The following TENT5D variants were observed in gnomAD, a reference collection of about 807,000 sequenced individuals.
TENT5D encodes cancer/testis antigen 112.
For missense variants in TENT5D, 191 were observed against 287.0 expected (o/e 0.67, Z 2.42); for synonymous variants, 103 against 100.6 (o/e 1.02, Z -0.15).
At chrX:80,363,593 C>T (rs930261100) in intron 3 of TENT5D, among the ~76,000 whole-genome samples, 1 of 111,772 alleles carries the variant, frequency 8.9e-6, no homozygotes, top group East Asian at 2.8e-4. Flanking sequence ...TGCAATGTGC[C>T]GTAAAGTTCG....
intron 3 of TENT5D, among the ~76,000 whole-genome samples, chrX:80,369,616 A>C (rs1602506475): frequency 8.9e-6 from 1 of 112,516 alleles, no homozygotes; most frequent in Middle Eastern, 4.6e-3. Flanking sequence ...TGACCCTTTA[A>C]CAACATGGTT....
chrX:80,391,552 T>A (rs1931127748), intron 3 of TENT5D, among the ~76,000 whole-genome samples: 1 of 112,058 alleles, frequency 8.9e-6, no homozygotes, highest in Non-Finnish European at 1.9e-5. Context: ...CATCTTGCTA[T>A]GAAAAGCCTT....
intron 3 of TENT5D, among the ~76,000 whole-genome samples, chrX:80,397,774 C>T (rs763486929): frequency 9.8e-4 from 110 of 112,653 alleles, no homozygotes; most frequent in African/African-American, 3.4e-3. Context: ...CAAAAAAATA[C>T]GAAAACAAGT....
At chrX:80,432,658 A>G (rs1453626273) in intron 1 of TENT5D, among the ~76,000 whole-genome samples, 1 of 111,691 alleles carries the variant, frequency 9.0e-6, no homozygotes, top group African/African-American at 3.3e-5. Context: ...CAGTGCACCA[A>G]AATATGTAGC....
chrX:80,339,631 C>T lies in TENT5D; in HGVS notation c.-206-2869C>T, dbSNP rs758445692. On this transcript the variant is annotated intron_variant, in intron 2 of 4. Coordinates refer to the TENT5D transcript ENST00000538312. The stretch of plus-strand genomic sequence containing the variant: ...GGTTTTAGTGGTGGTCACAGGTGAC[C>T]TGAAAAACTATCCAATTCATAATTT... Among the ~76,000 whole-genome samples the T allele has an allele frequency of 9.1e-5, 10 of 109,516 alleles. No individual in the cohort carries two copies. In the East Asian group the frequency reaches 2.6e-3, roughly 28 times the overall value.
At chrX:80,346,957 C>T (rs1045698585) in intron 3 of TENT5D, among the ~76,000 whole-genome samples, 1 of 110,752 alleles carries the variant, frequency 9.0e-6, no homozygotes, top group Non-Finnish European at 1.9e-5. Flanking sequence ...TGTTAGTTTG[C>T]GAGGATGATG....
chrX:80,405,677 A>G (rs1172233422), intron 3 of TENT5D, among the ~76,000 whole-genome samples: 1 of 110,428 alleles, frequency 9.1e-6, no homozygotes. Context: ...AGGCTGGAGG[A>G]GGGGCGCCCA....
intron 3 of TENT5D, among the ~76,000 whole-genome samples, chrX:80,375,742 A>G (rs1930711896): frequency 9.0e-6 from 1 of 111,730 alleles, no homozygotes; most frequent in Non-Finnish European, 1.9e-5. Flanking sequence ...TAATTATTTC[A>G]TAGTATTTCT....
chrX:80,401,476 T>G (rs1347372676), intron 3 of TENT5D, among the ~76,000 whole-genome samples: 2 of 111,850 alleles, frequency 1.8e-5, no homozygotes, highest in Non-Finnish European at 3.8e-5. Context: ...GTAGGTTTCC[T>G]TATCTCGTTC....
At chrX:80,410,736 A>G (rs1188259698) in intron 3 of TENT5D, among the ~76,000 whole-genome samples, 6 of 108,779 alleles carry the variant, frequency 5.5e-5, no homozygotes, top group Non-Finnish European at 1.1e-4. Context: ...CAGCCATCCC[A>G]TTACTGGGTA....
At position 80,373,295 on chromosome X, in the gene TENT5D, T is replaced by C. The variant is rs187237352; in HGVS notation, c.-142+30731T>C. Among the ~76,000 whole-genome samples, 5 of 111,759 alleles carry C rather than the reference T, an allele frequency of 4.5e-5. No individual in the cohort carries two copies. The Admixed American group carries it at 4.8e-4, about 11-fold the overall frequency. ...ACTTTATAGTTTAGGGATTTTGATT[T>C]CTCAGAATTTCAATATTTGGGATCT... On this transcript the variant is annotated intron_variant, in intron 3 of 4. Transcript: ENST00000538312.
Position 80,422,661 on chromosome X carries a change from C to T in TENT5D, c.-142+2098C>T, listed in dbSNP as rs187849706. 4.7e-3 allele frequency among the ~76,000 whole-genome samples: 518 copies of T among 110,433 alleles called. 6 individuals carry two copies. The highest frequency in any genetic ancestry group is 0.016 in the African/African-American group (488 of 30,323). On this transcript the variant is annotated intron_variant, in intron 1 of 2. Coordinates refer to ENST00000308293, the Ensembl canonical transcript of TENT5D. Reference sequence around the variant, plus strand: ...TGTCTGAGAGGGTGCGGTGAGTAGACGGGGAGAGCTATGAACAGAAGTTTT... The same window carrying T: ...TGTCTGAGAGGGTGCGGTGAGTAGATGGGGAGAGCTATGAACAGAAGTTTT...
intron 3 of TENT5D, among the ~76,000 whole-genome samples, chrX:80,370,982 C>A (rs774742273): frequency 1.8e-5 from 2 of 112,220 alleles, no homozygotes; most frequent in East Asian, 5.6e-4. Flanking sequence ...TTCACTTGCT[C>A]ATGTAAAATT....
intron 3 of TENT5D, among the ~76,000 whole-genome samples, chrX:80,360,912 AGCT>A (rs1930395724): frequency 8.9e-6 from 1 of 112,111 alleles, no homozygotes; most frequent in African/African-American, 3.2e-5. Flanking sequence ...TGGACATGGT[AGCT>A]CTTAAAGATC....
In TENT5D at chrX:80,415,080, T is replaced by C. The variant is rs779246344; in HGVS notation, c.-141-23530T>C. 3.6e-5 allele frequency among the ~76,000 whole-genome samples: 4 copies of C among 111,921 alleles called. No homozygotes were observed. In the East Asian group the frequency reaches 1.1e-3, roughly 31 times the overall value. ...TTTGAATGGTATTGCATTCTTCATTTGGCTCTCAGCTTGGATGTTGTTGGT... is the reference window on the plus strand; with the variant it reads ...TTTGAATGGTATTGCATTCTTCATTCGGCTCTCAGCTTGGATGTTGTTGGT... On this transcript the variant is annotated intron_variant, in intron 3 of 4. Transcript: ENST00000538312.
chrX:80,415,776 G>A (rs775248967), upstream of TENT5D, among the ~76,000 whole-genome samples: 120 of 111,387 alleles, frequency 1.1e-3, no homozygotes, highest in Non-Finnish European at 2.1e-3. Context: ...TGACTTTGCC[G>A]TTTTGTGGTT....
chrX:80,353,096 T>C (rs979630760), intron 3 of TENT5D, among the ~76,000 whole-genome samples: 2 of 112,328 alleles, frequency 1.8e-5, no homozygotes, highest in Non-Finnish European at 3.8e-5. Flanking sequence ...CCCTGGAAGC[T>C]GCAGACTGGA....
intron 1 of TENT5D, among the ~76,000 whole-genome samples, chrX:80,437,553 T>C (rs1932205218): frequency 9.0e-6 from 1 of 111,694 alleles, no homozygotes; most frequent in African/African-American, 3.2e-5. Context: ...TTGATATTAT[T>C]TGATAAGCAT....
At chrX:80,386,920 A>G (rs1036251414) in intron 3 of TENT5D, among the ~76,000 whole-genome samples, 8 of 112,188 alleles carry the variant, frequency 7.1e-5, no homozygotes, top group African/African-American at 2.3e-4. Flanking sequence ...AAAATGTTCA[A>G]TCTACAATTC....
Sources: allele counts gnomAD v4.1 joint callset (sites outside exome capture counted in the v4.1 genomes callset), GRCh38; gene constraint gnomAD v4.1.1; transcripts MANE v1.5; gene names NCBI Gene and HGNC (gene_info 2026-07-23, HGNC 2026-07-21).